Variants in ACOXL observed in about 807,000 individuals in gnomAD.
The protein encoded by ACOXL is acyl-CoA oxidase like.
ACOXL carries 70 observed loss-of-function variants against 71.9 expected under a neutral mutation model. That is an observed-to-expected ratio of 0.97 (90% CI 0.80 to 1.19). ACOXL has a LOEUF of 1.19. Among genes scored for constraint, ACOXL ranks in the 50% most tolerant of loss-of-function variants. The pLI, the probability that ACOXL is intolerant of heterozygous loss-of-function variation, is 0.00. For synonymous variants in ACOXL, 253 were observed against 281.6 expected (o/e 0.90, Z 1.02); for missense variants, 703 against 736.3 (o/e 0.95, Z 0.52).
At chr2:110,942,740 AG>A (rs1449032975) in intron 12 of ACOXL, among the ~76,000 whole-genome samples, 2 of 150,534 alleles carry the variant, frequency 1.3e-5, no homozygotes, top group Non-Finnish European at 3.0e-5. Context: ...AAAAAAAAAA[AG>A]TTAGCTGGGT....
At chr2:110,736,979 G>C (rs888340254) in intron 1 of ACOXL, among the ~76,000 whole-genome samples, 1 of 152,062 alleles carries the variant, frequency 6.6e-6, no homozygotes, top group African/African-American at 2.4e-5. Flanking sequence ...ACTTTGTTGT[G>C]GTTGTTTTAG....
intron 13 of ACOXL, among the ~76,000 whole-genome samples, chr2:110,993,888 T>C (rs901010471): frequency 3.9e-5 from 6 of 152,342 alleles, no homozygotes; most frequent in African/African-American, 1.2e-4. Context: ...ATGATACTTA[T>C]TTTAATTTAA....
chr2:110,975,036 C>T (rs557852623), intron 12 of ACOXL, among the ~76,000 whole-genome samples: 4 of 152,234 alleles, frequency 2.6e-5, no homozygotes, highest in South Asian at 2.1e-4. Flanking sequence ...TGGGGCAGGC[C>T]GGCTGATGTG....
intron 16 of ACOXL, among the ~76,000 whole-genome samples, chr2:111,083,624 C>T (rs1208032483): frequency 1.3e-5 from 2 of 151,784 alleles, no homozygotes; most frequent in East Asian, 1.9e-4. Flanking sequence ...CTCAGCTCCT[C>T]AGCTCCTCAG....
chr2:111,021,862 A>G (rs899447126), intron 14 of ACOXL, among the ~76,000 whole-genome samples: 2 of 152,042 alleles, frequency 1.3e-5, no homozygotes, highest in Non-Finnish European at 1.5e-5. Flanking sequence ...TGGGGAATGT[A>G]AAAAAGAAAA....
intron 11 of ACOXL, among the ~76,000 whole-genome samples, chr2:110,910,208 G>C (rs1006222479): frequency 6.6e-6 from 1 of 152,126 alleles, no homozygotes; most frequent in Non-Finnish European, 1.5e-5. Flanking sequence ...AGTTTTGCCT[G>C]TTCTTGAACT....
chr2:110,880,069 C>A (rs1156643348), intron 10 of ACOXL, among the ~76,000 whole-genome samples: 1 of 149,420 alleles, frequency 6.7e-6, no homozygotes, highest in Non-Finnish European at 1.5e-5. Flanking sequence ...TTGCTTGAAC[C>A]TGGGAGGTGG....
chr2:111,104,071 A>G (rs2069362409), intron 17 of ACOXL, among the ~76,000 whole-genome samples: 1 of 152,036 alleles, frequency 6.6e-6, no homozygotes, highest in African/African-American at 2.4e-5. Context: ...TATAAATGAA[A>G]TCACATAATA....
intron 1 of ACOXL, among the ~76,000 whole-genome samples, chr2:110,741,361 C>T (rs1385418506): frequency 6.6e-6 from 1 of 152,148 alleles, no homozygotes; most frequent in Non-Finnish European, 1.5e-5. Context: ...CTGCAGGCCT[C>T]TCTCCTTGGC....
chr2:110,851,703 G>T lies in ACOXL; in HGVS notation c.788+10298G>T, dbSNP rs1452668848. Among the ~76,000 whole-genome samples, 4 of 152,306 alleles carry T rather than the reference G, an allele frequency of 2.6e-5. No homozygotes were observed. The East Asian group carries it at 7.7e-4, about 29-fold the overall frequency. On this transcript the variant is annotated intron_variant, in intron 10 of 17. Transcript: ENST00000439055. ...CCAGTGCTCTGGTCTGTGGTCCTGA[G>T]AGCCCTCAGGGCGCTGGGATGACAT... is the stretch of plus-strand genomic sequence containing the variant.
chr2:110,804,925 C>T (rs922589227), intron 8 of ACOXL, among the ~76,000 whole-genome samples: 8 of 152,140 alleles, frequency 5.3e-5, no homozygotes, highest in African/African-American at 9.7e-5. Context: ...TGTACAATTT[C>T]GTGACTATAC....
chr2:110,917,285 C>G (rs756916570), intron 11 of ACOXL, among the ~76,000 whole-genome samples: 1 of 152,198 alleles, frequency 6.6e-6, no homozygotes, highest in Non-Finnish European at 1.5e-5. Flanking sequence ...TCACATAAAC[C>G]GAACCAATGA....
At chr2:110,788,228 A>G (rs1295516931) in intron 3 of ACOXL, among the ~76,000 whole-genome samples, 1 of 152,240 alleles carries the variant, frequency 6.6e-6, no homozygotes. Context: ...TAAAAGCTGG[A>G]AACAAGCCAC....
chr2:110,819,209 A>G (rs576514501), intron 9 of ACOXL, among the ~76,000 whole-genome samples: 1 of 152,320 alleles, frequency 6.6e-6, no homozygotes, highest in Admixed American at 6.5e-5. Flanking sequence ...GCAGCTGGGA[A>G]GGTGGTTTGG....
At chr2:111,052,502 A>G (rs537717080) in intron 16 of ACOXL, among the ~76,000 whole-genome samples, 3 of 152,270 alleles carry the variant, frequency 2.0e-5, no homozygotes, top group Admixed American at 2.0e-4. Context: ...GGCTTAAGTA[A>G]CAGACCCTGC....
chr2:110,798,180 T>C (rs1685496151), intron 5 of ACOXL, among the ~76,000 whole-genome samples: 1 of 152,012 alleles, frequency 6.6e-6, no homozygotes, highest in African/African-American at 2.4e-5. Flanking sequence ...GACCTTCCCA[T>C]TGTCTTCTCT....
At chr2:110,922,376 A>G (rs1448483787) in intron 11 of ACOXL, among the ~76,000 whole-genome samples, 5 of 152,320 alleles carry the variant, frequency 3.3e-5, no homozygotes, top group Non-Finnish European at 7.4e-5. Context: ...ATGCATGCCA[A>G]AGGAAAACAG....
intron 1 of ACOXL, among the ~76,000 whole-genome samples, chr2:110,736,394 T>C (rs1383394633): frequency 6.6e-6 from 1 of 152,038 alleles, no homozygotes; most frequent in Non-Finnish European, 1.5e-5. Flanking sequence ...ACTCCCCTCT[T>C]CCCCCAGCCC....
At chr2:110,968,772 G>T in intron 12 of ACOXL, 2 of 267,692 alleles carry the variant, frequency 7.5e-6, no homozygotes, top group African/African-American at 3.3e-5. Context: ...ATAAACTTAT[G>T]GACAGCAAAA....
Sources: allele counts gnomAD v4.1 joint callset (sites outside exome capture counted in the v4.1 genomes callset), GRCh38; gene constraint gnomAD v4.1.1; transcripts MANE v1.5; gene names NCBI Gene and HGNC (gene_info 2026-07-23, HGNC 2026-07-21).